Variants in MB21D2 observed in about 807,000 individuals in gnomAD.
MB21D2 encodes nucleotidyltransferase MB21D2.
MB21D2 carries 9 observed loss-of-function variants against 33.3 expected under a neutral mutation model. The ratio of observed to expected loss-of-function variants is 0.27; its 90% CI spans 0.16 to 0.47. The LOEUF (loss-of-function observed/expected upper bound fraction) is 0.47. Ranked by LOEUF, MB21D2 falls within the 20% of genes least tolerant of loss-of-function variation. The pLI, the probability that MB21D2 is intolerant of heterozygous loss-of-function variation, is 0.99. For synonymous variants in MB21D2, 241 were observed against 236.3 expected (o/e 1.02, Z -0.18); for missense variants, 540 against 624.6 (o/e 0.86, Z 1.44).
rs80186568 is a variant in MB21D2 at position 192,876,214 on chromosome 3, C to T, written c.211+41416G>A. On this transcript the variant is annotated intron_variant, in intron 1 of 1. Transcript: ENST00000392452. ...CCCCAGTGCCAAAACTCTATCTCATCCTGAAACTTGCTTCCTTTGGCTCTC... is the reference window on the plus strand; with the variant it reads ...CCCCAGTGCCAAAACTCTATCTCATTCTGAAACTTGCTTCCTTTGGCTCTC... Among the ~76,000 whole-genome samples the T allele has an allele frequency of 9.7e-3, 1,480 of 152,276 alleles. 27 individuals carry two copies. Among genetic ancestry groups the T allele is most frequent in the African/African-American group, 0.033 (1,386 of 41,552 alleles).
intron 1 of MB21D2, among the ~76,000 whole-genome samples, chr3:192,869,311 A>AGGGGAGGAGGGGAGGC: frequency 7.3e-6 from 1 of 136,346 alleles, no homozygotes; most frequent in African/African-American, 2.9e-5. Flanking sequence ...GGAGGGAAGG[A>AGGGGAGGAGGGGAGGC]GGGAAGGAGG....
At position 192,799,755 on chromosome 3, in the gene MB21D2, A is replaced by G; in HGVS notation, c.212-105T>C. The G allele has an allele frequency of 8.2e-7, 1 of 1,223,392 alleles. No homozygotes were observed. Among genetic ancestry groups the G allele is most frequent in the Non-Finnish European group, 1.1e-6 (1 of 899,922 alleles). 75.8% of individuals were successfully genotyped at this position (1,223,392 alleles called of 1,614,324 possible). A position where few individuals can be genotyped will look rare whatever the true frequency, so the allele number is the denominator to read the frequency against. On this transcript the variant is annotated intron_variant, in intron 1 of 1. Coordinates refer to ENST00000392452, the MANE Select transcript of MB21D2 (RefSeq NM_178496.4). The surrounding 1 kb of genome is among the most constrained non-coding windows in gnomAD (Gnocchi z 4.1). ...GATGTTCCAAGAACCAAAACTCATT[A>G]TCAGTACTAAATCAAATCTCAGGCT...
intron 1 of MB21D2, among the ~76,000 whole-genome samples, chr3:192,844,228 C>T (rs1035279332): frequency 2.6e-5 from 4 of 152,376 alleles, no homozygotes; most frequent in African/African-American, 9.6e-5. Context: ...AGCCTGGACA[C>T]ATAATGTCCC....
intron 1 of MB21D2, among the ~76,000 whole-genome samples, chr3:192,901,570 C>A (rs1345542312): frequency 6.6e-6 from 1 of 152,120 alleles, no homozygotes; most frequent in Non-Finnish European, 1.5e-5. Flanking sequence ...GTATCTCATC[C>A]AATGAATATG....
intron 1 of MB21D2, among the ~76,000 whole-genome samples, chr3:192,911,675 C>T (rs1714357709): frequency 7.7e-6 from 1 of 129,414 alleles, no homozygotes; most frequent in Admixed American, 8.4e-5. Context: ...CAATGAGTGG[C>T]ATGACAAGGA....
rs905701408 is a variant in MB21D2, at chr3:192,850,562, A to C, written c.212-50912T>G. Among the ~76,000 whole-genome samples the C allele has an allele frequency of 2.0e-5, 3 of 152,176 alleles. No individual in the cohort carries two copies. In the South Asian group the frequency reaches 6.2e-4, roughly 32 times the overall value. On this transcript the variant is annotated intron_variant, in intron 1 of 1. Coordinates refer to ENST00000392452, the MANE Select transcript of MB21D2 (RefSeq NM_178496.4). ...CCACAGAAAAGAGGTGCCTGCTATC[A>C]AGTCCCTGCCTGCACAGGCCAGGCC...
Position 192,797,298 on chromosome 3 carries a change from G to C in MB21D2, c.*1088C>G, listed in dbSNP as rs1720542823. 6.6e-6 allele frequency: 1 copy of C among 152,564 alleles called. No homozygotes were observed. The highest frequency in any genetic ancestry group is 2.1e-4 in the South Asian group (1 of 4,818). 9.5% of individuals were successfully genotyped at this position (152,564 alleles called of 1,614,324 possible). A position where few individuals can be genotyped will look rare whatever the true frequency, so the allele number is the denominator to read the frequency against. ...TGCCAGTTTTTCTCAAAACTCTCAG[G>C]AAGAGTAGAGATTTTACAAAAAAGC... On this transcript the variant is annotated 3_prime_UTR_variant, in exon 2 of 2. Transcript: ENST00000392452.
At chr3:192,892,732 C>T (rs1331381061) in intron 1 of MB21D2, among the ~76,000 whole-genome samples, 3 of 152,080 alleles carry the variant, frequency 2.0e-5, no homozygotes, top group Non-Finnish European at 2.9e-5. Context: ...CGTGAGCCAC[C>T]GCGCCCGGCC....
At chr3:192,826,871 G>A (rs1712183388) in intron 1 of MB21D2, among the ~76,000 whole-genome samples, 1 of 151,868 alleles carries the variant, frequency 6.6e-6, no homozygotes, top group Non-Finnish European at 1.5e-5. Context: ...CCCAATTTTG[G>A]CTTCAATTGT....
chr3:192,810,886 TG>T (rs1711771584), intron 1 of MB21D2, among the ~76,000 whole-genome samples: 1 of 150,002 alleles, frequency 6.7e-6, no homozygotes, highest in South Asian at 2.1e-4. Flanking sequence ...TATGCTTGTG[TG>T]TGTGTGTGTG....
At chr3:192,877,553 A>C (rs1262674273) in intron 1 of MB21D2, among the ~76,000 whole-genome samples, 3 of 152,164 alleles carry the variant, frequency 2.0e-5, no homozygotes, top group Non-Finnish European at 2.9e-5. Flanking sequence ...CTTGGCCACC[A>C]GTGTCAGTGA....
chr3:192,807,342 A>G (rs986479182), intron 1 of MB21D2, among the ~76,000 whole-genome samples: 172 of 152,110 alleles, frequency 1.1e-3, no homozygotes, highest in Non-Finnish European at 2.3e-3. Context: ...GCCAAAAAAA[A>G]AAAAAAAAAG....
intron 1 of MB21D2, among the ~76,000 whole-genome samples, chr3:192,837,790 A>AAC (rs1407228270): frequency 6.6e-6 from 1 of 152,204 alleles, no homozygotes; most frequent in Admixed American, 6.5e-5. Flanking sequence ...TAATTTGAGA[A>AAC]ACACACACAC....
At chr3:192,898,995 C>T (rs4599241) in intron 1 of MB21D2, among the ~76,000 whole-genome samples, 3 of 152,188 alleles carry the variant, frequency 2.0e-5, no homozygotes, top group African/African-American at 7.2e-5. Context: ...AGAGTAAGAG[C>T]TTCTGAGAGT....
chr3:192,816,551 T>G (rs115306840), intron 1 of MB21D2, among the ~76,000 whole-genome samples: 2,985 of 152,256 alleles, frequency 0.02, 42 homozygotes, highest in Non-Finnish European at 0.031. Flanking sequence ...TTTTTAAAAT[T>G]AATACCTGAT....
At chr3:192,811,158 A>G (rs1711780480) in intron 1 of MB21D2, among the ~76,000 whole-genome samples, 1 of 152,176 alleles carries the variant, frequency 6.6e-6, no homozygotes, top group African/African-American at 2.4e-5. Context: ...TAAATGCCCT[A>G]GCTTCCCCAG....
chr3:192,872,930 C>T (rs1713342012), intron 1 of MB21D2, among the ~76,000 whole-genome samples: 1 of 152,138 alleles, frequency 6.6e-6, no homozygotes, highest in Admixed American at 6.5e-5. Context: ...ATTAGCTCCC[C>T]AGTAGCTTAA....
chr3:192,907,665 T>C (rs918362778), intron 1 of MB21D2, among the ~76,000 whole-genome samples: 1 of 152,226 alleles, frequency 6.6e-6, no homozygotes, highest in African/African-American at 2.4e-5. Context: ...CAAATGTGAA[T>C]ATTTATTGTC....
chr3:192,857,074 A>G (rs544077604), intron 1 of MB21D2, among the ~76,000 whole-genome samples: 1 of 152,318 alleles, frequency 6.6e-6, no homozygotes, highest in Non-Finnish European at 1.5e-5. Flanking sequence ...CATGCTTTTC[A>G]CAATAAAAGA....
Sources: gnomAD v4.1 joint callset for allele counts (sites outside exome capture counted in the v4.1 genomes callset) on GRCh38, gnomAD v4.1.1 for gene constraint, Gnocchi (gnomAD v3.1) non-coding constraint, MANE v1.5 for transcripts, NCBI Gene and HGNC (gene_info 2026-07-23, HGNC 2026-07-21) for gene names.